NCOR2: variants seen among roughly 807,000 people sequenced by gnomAD.
NCOR2 encodes nuclear receptor corepressor 2.
In NCOR2, 81 loss-of-function variants were observed where a neutral mutation model predicts 262.9. The ratio of observed to expected loss-of-function variants is 0.31; its 90% CI spans 0.26 to 0.37. The LOEUF (loss-of-function observed/expected upper bound fraction) is 0.37, where lower values mean the gene tolerates loss of function less well. Ranked by LOEUF, NCOR2 falls within the 10% of genes least tolerant of loss-of-function variation. NCOR2 has a pLI of 1.00. For synonymous variants in NCOR2, 1,659 were observed against 1,559.3 expected (o/e 1.06, Z -1.51); for missense variants, 3,385 against 3,621.4 (o/e 0.93, Z 1.68).
In NCOR2 at chr12:124,522,648, A is replaced by G. The variant is rs141553073; in HGVS notation, c.-118+12917T>C. 2.1e-3 allele frequency among the ~76,000 whole-genome samples: 325 copies of G among 152,324 alleles called. 2 individuals are homozygous for G. The highest frequency in any genetic ancestry group is 3.4e-3 in the Middle Eastern group (1 of 294). On this transcript the variant is annotated intron_variant, in intron 1 of 46. Transcript: ENST00000404621. ...ATATTCACAGTTTCCAAGTGTACCT[A>G]TGTTTCATGGGCCATGACTCAACCC...
intron 1 of NCOR2, among the ~76,000 whole-genome samples, chr12:124,533,647 C>T (rs969356098): frequency 1.3e-5 from 2 of 152,210 alleles, no homozygotes; most frequent in African/African-American, 4.8e-5. Context: ...CACAACAGAG[C>T]CTGGCACACA....
In NCOR2 at chr12:124,334,635, G is replaced by A; in HGVS notation, c.6412-18C>T. 4.4e-6 allele frequency: 6 copies of A among 1,352,782 alleles called. No homozygotes were observed. Among genetic ancestry groups the A allele is most frequent in the East Asian group, 2.8e-5 (1 of 35,712 alleles). The allele number at this position is 1,352,782 out of a possible 1,614,324, so 83.8% of individuals were successfully genotyped here. A position where few individuals can be genotyped will look rare whatever the true frequency, so the allele number is the denominator to read the frequency against. ...ATGACCTCCTGCAGGCAAGTGGGGG[G>A]GCCCAGAGTCAGGCAGCACTCTCCT... On this transcript the variant is annotated intron_variant, in intron 40 of 46. Coordinates refer to ENST00000405201, the Ensembl canonical transcript of NCOR2.
chr12:124,356,866 G>A (rs2037990785), intron 22 of NCOR2, 84 bp from the exon 25 acceptor site: 4 of 1,387,790 alleles, frequency 2.9e-6, no homozygotes, highest in Non-Finnish European at 3.7e-6. Flanking sequence ...TACACAAATG[G>A]CCTTCCTGCA....
rs535148021 is a variant in NCOR2 at position 124,438,991 on chromosome 12, A to G, written c.816-995T>C. Among the ~76,000 whole-genome samples, 8 of 90,294 alleles carry G rather than the reference A, an allele frequency of 8.9e-5. 1 individual carries two copies. In the East Asian group the frequency reaches 3.1e-3, roughly 35 times the overall value. 59.2% of individuals were successfully genotyped at this position (90,294 alleles called of 152,430 possible). On this transcript the variant is annotated intron_variant, in intron 7 of 46. Coordinates refer to ENST00000405201, the Ensembl canonical transcript of NCOR2. ...GGGAGACAGAGACCCAGAGAGAGAG[A>G]GATGGAGACCCTGAGACAGAGGGAG...
At chr12:124,342,971 C>A in intron 33 of NCOR2, 34 bp downstream of exon 35, 1 of 1,605,576 alleles carries the variant, frequency 6.2e-7, no homozygotes, top group Non-Finnish European at 8.5e-7. Flanking sequence ...TGTTCAGCAC[C>A]ACTGCAGGGT....
chr12:124,514,210 C>T (rs2049580354), intron 1 of NCOR2: 1 of 152,180 alleles, frequency 6.6e-6, no homozygotes, highest in East Asian at 1.9e-4. Flanking sequence ...CAGAAAGCCG[C>T]CCTGCCCCTC....
At chr12:124,509,890 G>A (rs1044517494) in intron 1 of NCOR2, among the ~76,000 whole-genome samples, 1 of 151,984 alleles carries the variant, frequency 6.6e-6, no homozygotes, top group African/African-American at 2.4e-5. Context: ...ACAGTAACCT[G>A]AGCCTCCGGA....
At chr12:124,506,542 G>A (rs945078599) in intron 1 of NCOR2, among the ~76,000 whole-genome samples, 19 of 150,812 alleles carry the variant, frequency 1.3e-4, no homozygotes, top group Admixed American at 7.9e-4. Flanking sequence ...ACAGCAGGAC[G>A]AACCCTCCCT....
At chr12:124,357,632 C>A (rs988594916) in intron 22 of NCOR2, among the ~76,000 whole-genome samples, 1 of 152,246 alleles carries the variant, frequency 6.6e-6, no homozygotes, top group Non-Finnish European at 1.5e-5. Flanking sequence ...TTTACTGGAG[C>A]GTGGCCACAT....
At chr12:124,438,486 G>A (rs1256218027) in intron 7 of NCOR2, among the ~76,000 whole-genome samples, 3 of 152,130 alleles carry the variant, frequency 2.0e-5, no homozygotes, top group East Asian at 1.9e-4. Context: ...CAGTCCTGCT[G>A]CGGGGGGAGG....
intron 13 of NCOR2, among the ~76,000 whole-genome samples, chr12:124,416,024 A>C (rs2042840352): frequency 6.6e-6 from 1 of 152,042 alleles, no homozygotes; most frequent in African/African-American, 2.4e-5. Context: ...AGGCAGTTTC[A>C]CATAAAACTG....
At chr12:124,524,511 G>C (rs1199729815) in intron 1 of NCOR2, among the ~76,000 whole-genome samples, 1 of 152,194 alleles carries the variant, frequency 6.6e-6, no homozygotes, top group Non-Finnish European at 1.5e-5. Flanking sequence ...GCATGAGCCT[G>C]TCTGAGAACA....
chr12:124,326,082 A>G, intron 46 of NCOR2, 109 bp downstream of exon 48: 1 of 1,243,262 alleles, frequency 8.0e-7, no homozygotes, highest in Non-Finnish European at 1.1e-6. Flanking sequence ...AACAGGCCCG[A>G]GTCTGAGCTC....
chr12:124,340,537 G>A (rs913016398), intron 35 of NCOR2, 65 bp downstream of exon 37: 116 of 1,539,632 alleles, frequency 7.5e-5, no homozygotes, highest in Non-Finnish European at 9.3e-5. Context: ...GCTTCTGCCC[G>A]CCCATCCCCC....
At chr12:124,338,993 C>T (rs2036151780) in intron 37 of NCOR2, among the ~76,000 whole-genome samples, 1 of 149,668 alleles carries the variant, frequency 6.7e-6, no homozygotes, top group East Asian at 2.0e-4. Flanking sequence ...CCCATCCACC[C>T]ACCCAGCTAA....
At chr12:124,419,146 C>T (rs1218448330) in intron 13 of NCOR2, among the ~76,000 whole-genome samples, 1 of 152,200 alleles carries the variant, frequency 6.6e-6, no homozygotes, top group Admixed American at 6.5e-5. Context: ...CTTTCAAAGG[C>T]GTGCCACTGA....
At chr12:124,543,350 C>T (rs972106139) in intron 1 of NCOR2, among the ~76,000 whole-genome samples, 3 of 152,222 alleles carry the variant, frequency 2.0e-5, no homozygotes, top group African/African-American at 4.8e-5. Context: ...ACCATGACAA[C>T]GATCATCACA....
upstream of NCOR2, chr12:124,567,548 G>C (rs1594089991): frequency 6.8e-6 from 1 of 146,406 alleles, no homozygotes; most frequent in Admixed American, 6.8e-5. Flanking sequence ...CGGCGGACGC[G>C]GGGCTCCGGT....
exon 46 of NCOR2, chr12:124,326,352 T>G: frequency 6.7e-7 from 1 of 1,503,752 alleles, no homozygotes; most frequent in Non-Finnish European, 8.8e-7. Context: ...GCCAGAGACC[T>G]TGGCCTTCCC....
Sources: allele counts gnomAD v4.1 joint callset (sites outside exome capture counted in the v4.1 genomes callset), GRCh38; gene constraint gnomAD v4.1.1; transcripts MANE v1.5; gene names NCBI Gene and HGNC (gene_info 2026-07-23, HGNC 2026-07-21).